PRKCA: variants seen among roughly 807,000 people sequenced by gnomAD.
PRKCA encodes the protein protein kinase C alpha.
Under a neutral mutation model 87.0 loss-of-function variants are expected in PRKCA, and 27 were observed. The ratio of observed to expected loss-of-function variants is 0.31; its 90% CI spans 0.23 to 0.43. The LOEUF is 0.43. Among genes scored for constraint, PRKCA ranks in the 20% least tolerant of loss-of-function variants. The pLI, the probability that PRKCA is intolerant of heterozygous loss-of-function variation, is 1.00. For missense variants in PRKCA, 518 were observed against 852.3 expected, an observed-to-expected ratio of 0.61 and a Z score of 4.88; for synonymous variants, 329 against 311.1, an observed-to-expected ratio of 1.06 and a Z score of -0.61.
At position 66,485,447 on chromosome 17, in the gene PRKCA, G is replaced by A. The variant is rs1388969816; in HGVS notation, c.206-10754G>A. On this transcript the variant is annotated intron_variant, in intron 2 of 16. Transcript: ENST00000413366. ...CGTGCTGAGTGCTTATGCCCTTAGCGAGGGAGAGAGGTTTCATCCATGCTG... is the reference window on the plus strand; with the variant it reads ...CGTGCTGAGTGCTTATGCCCTTAGCAAGGGAGAGAGGTTTCATCCATGCTG... Among the ~76,000 whole-genome samples the A allele has an allele frequency of 2.0e-5, 3 of 152,170 alleles. No homozygotes were observed. The East Asian group carries it at 5.8e-4, about 29-fold the overall frequency.
intron 13 of PRKCA, among the ~76,000 whole-genome samples, chr17:66,769,528 C>T (rs928536616): frequency 2.6e-5 from 4 of 152,144 alleles, no homozygotes; most frequent in African/African-American, 9.7e-5. Context: ...ACATTCTAGT[C>T]CCCCAGGACC....
chr17:66,367,505 T>C (rs1908805131), intron 2 of PRKCA, among the ~76,000 whole-genome samples: 1 of 152,256 alleles, frequency 6.6e-6, no homozygotes, highest in Non-Finnish European at 1.5e-5. Flanking sequence ...CTTAGACGTT[T>C]GGAACTCTGC....
chr17:66,328,614 A>G (rs79345103), intron 2 of PRKCA, among the ~76,000 whole-genome samples: 1 of 151,984 alleles, frequency 6.6e-6, no homozygotes, highest in Non-Finnish European at 1.5e-5. Flanking sequence ...CCTGGCCAAC[A>G]TGGGGAAACC....
At chr17:66,793,101 TC>T (rs1975578395) in intron 16 of PRKCA, among the ~76,000 whole-genome samples, 1 of 152,202 alleles carries the variant, frequency 6.6e-6, no homozygotes, top group Admixed American at 6.5e-5. Flanking sequence ...AACTAGCTCT[TC>T]CTCTTTATGA....
At chr17:66,639,598 G>A (rs1347658627) in intron 3 of PRKCA, among the ~76,000 whole-genome samples, 2 of 152,028 alleles carry the variant, frequency 1.3e-5, no homozygotes, top group Non-Finnish European at 2.9e-5. Flanking sequence ...ATGTTGGCCA[G>A]GCTGGTCTCA....
At chr17:66,618,960 G>A (rs559644622) in intron 3 of PRKCA, among the ~76,000 whole-genome samples, 1 of 151,808 alleles carries the variant, frequency 6.6e-6, no homozygotes, top group East Asian at 1.9e-4. Context: ...GGAAATAGAT[G>A]AGGAGGGGGA....
intron 2 of PRKCA, among the ~76,000 whole-genome samples, chr17:66,370,778 G>A (rs1388250424): frequency 1.3e-5 from 2 of 151,892 alleles, no homozygotes; most frequent in African/African-American, 4.8e-5. Flanking sequence ...TTGAACTCCT[G>A]GACTCAAGCG....
intron 2 of PRKCA, among the ~76,000 whole-genome samples, chr17:66,396,788 C>G (rs550400696): frequency 1.6e-4 from 25 of 151,684 alleles, no homozygotes; most frequent in Non-Finnish European, 8.8e-5. Context: ...GCCACCATGC[C>G]TCGCCCTGTC....
chr17:66,658,202 G>A (rs1971790542), intron 5 of PRKCA, among the ~76,000 whole-genome samples: 2 of 152,128 alleles, frequency 1.3e-5, no homozygotes, highest in African/African-American at 2.4e-5. Flanking sequence ...GATCTCAGCC[G>A]GGCACAGTGG....
rs1975948435 is a variant in PRKCA at position 66,803,481 on chromosome 17, C to T, written c.1855-392C>T. Among the ~76,000 whole-genome samples the T allele has an allele frequency of 6.6e-6, 1 of 152,222 alleles. No homozygotes were observed. Among genetic ancestry groups the T allele is most frequent in the South Asian group, 2.1e-4 (1 of 4,834 alleles). On this transcript the variant is annotated intron_variant, in intron 16 of 16. Coordinates refer to ENST00000413366, the MANE Select transcript of PRKCA (RefSeq NM_002737.3). This position sits in a 1 kb window ranked among gnomAD's most constrained non-coding sequence, Gnocchi z 4.4. Reference sequence around the variant, plus strand: ...CCGTCGCTTGGTCCAGGGGTAACTGCCTGCAGCCCCAGCCGACATCCTGGC... The same window carrying T: ...CCGTCGCTTGGTCCAGGGGTAACTGTCTGCAGCCCCAGCCGACATCCTGGC...
At chr17:66,620,450 T>C (rs1014808432) in intron 3 of PRKCA, among the ~76,000 whole-genome samples, 9 of 152,178 alleles carry the variant, frequency 5.9e-5, no homozygotes, top group African/African-American at 2.2e-4. Context: ...TTTCTAGAAG[T>C]GTCTAGGAGA....
intron 2 of PRKCA, among the ~76,000 whole-genome samples, chr17:66,455,714 G>A (rs947325752): frequency 6.6e-6 from 1 of 152,132 alleles, no homozygotes; most frequent in Non-Finnish European, 1.5e-5. Flanking sequence ...GAACACAAGG[G>A]TGGGAAGAAA....
At chr17:66,711,334 A>G (rs1011762308) in intron 8 of PRKCA, among the ~76,000 whole-genome samples, 3 of 152,202 alleles carry the variant, frequency 2.0e-5, no homozygotes, top group Non-Finnish European at 2.9e-5. Flanking sequence ...ATGTAGTGTA[A>G]TATATCATAG....
intron 2 of PRKCA, among the ~76,000 whole-genome samples, chr17:66,489,192 A>G (rs1916110085): frequency 6.6e-6 from 1 of 151,928 alleles, no homozygotes; most frequent in Admixed American, 6.6e-5. Context: ...AATATGTTAC[A>G]TAATGGCTTT....
chr17:66,564,036 C>T (rs1239289941), intron 3 of PRKCA, among the ~76,000 whole-genome samples: 1 of 144,318 alleles, frequency 6.9e-6, no homozygotes, highest in Non-Finnish European at 1.5e-5. Flanking sequence ...CTTTCTTCCT[C>T]TCTTCCTTCC....
Position 66,737,230 on chromosome 17 carries a change from G to C in PRKCA, c.1231-1534G>C, listed in dbSNP as rs1974055795. ...AAAAAAAAATTAGCCGGGCGTGGTG[G>C]CGGGCGCCTGTAGTCCCAGCTACTC... On this transcript the variant is annotated intron_variant, in intron 10 of 16. Transcript: ENST00000413366. Among the ~76,000 whole-genome samples the C allele has an allele frequency of 4.6e-5, 7 of 152,102 alleles. No homozygotes were observed. The South Asian group carries it at 1.5e-3, about 32-fold the overall frequency.
intron 3 of PRKCA, among the ~76,000 whole-genome samples, chr17:66,530,917 C>T (rs1967512949): frequency 2.0e-5 from 3 of 152,112 alleles, no homozygotes; most frequent in Admixed American, 2.0e-4. Flanking sequence ...ACAGCCACCA[C>T]CCTCCTTCTC....
At chr17:66,678,224 C>T (rs780018446) in intron 5 of PRKCA, among the ~76,000 whole-genome samples, 16 of 152,150 alleles carry the variant, frequency 1.1e-4, no homozygotes, top group Non-Finnish European at 2.1e-4. Context: ...CCAAGTCATG[C>T]CTGCCACCAC....
At chr17:66,412,589 G>T (rs981771668) in intron 2 of PRKCA, 4 of 152,060 alleles carry the variant, frequency 2.6e-5, no homozygotes, top group African/African-American at 9.7e-5. Context: ...GGACCCATTT[G>T]CCCCACAAAC....
Sources: gnomAD v4.1 joint callset for allele counts (sites outside exome capture counted in the v4.1 genomes callset) on GRCh38, gnomAD v4.1.1 for gene constraint, Gnocchi (gnomAD v3.1) non-coding constraint, MANE v1.5 for transcripts, NCBI Gene and HGNC (gene_info 2026-07-23, HGNC 2026-07-21) for gene names.